TBX1: variants seen among roughly 807,000 people sequenced by gnomAD.
The protein encoded by TBX1 is T-box transcription factor TBX1.
In TBX1, 16 loss-of-function variants were observed where a neutral mutation model predicts 40.8. The observed-to-expected ratio is 0.39, with a 90% CI of 0.27 to 0.60. TBX1 has a LOEUF of 0.60. TBX1 is among the 20% of genes least tolerant of loss of function. The pLI, the probability that TBX1 is intolerant of heterozygous loss-of-function variation, is 0.51. For synonymous variants in TBX1, 403 were observed against 336.8 expected, an observed-to-expected ratio of 1.20 and a Z score of -2.15; for missense variants, 755 against 728.5, an observed-to-expected ratio of 1.04 and a Z score of -0.42.
At chr22:19,776,035 A>G (rs1436043503) in intron 8 of TBX1, among the ~76,000 whole-genome samples, 9 of 152,124 alleles carry the variant, frequency 5.9e-5, no homozygotes, top group Admixed American at 5.9e-4. Flanking sequence ...GGCAAGTCCC[A>G]CCGGCTCCCG....
At position 19,765,101 on chromosome 22, in the gene TBX1, C is replaced by T; in HGVS notation, c.855C>T (p.Tyr285=). Reference sequence around the variant, plus strand: ...CACGATTCACCGCGGTCACTGCCTACCAGAACCATCGGGTGAGGGCCTGTG... The same window carrying T: ...CACGATTCACCGCGGTCACTGCCTATCAGAACCATCGGGTGAGGGCCTGTG... ...EETRFTAVTA[Y]QNHRITQLKI... is the part of the protein sequence containing the mutation. Residue 285 remains tyrosine, a synonymous_variant, in exon 4 of 7, where the codon TAC becomes TAT. Transcript: ENST00000649276. The T allele has an allele frequency of 1.2e-6, 2 of 1,614,178 alleles. No individual in the cohort carries two copies. Among genetic ancestry groups the T allele is most frequent in the African/African-American group, 2.7e-5 (2 of 75,056 alleles).
At chr22:19,759,066 G>T (rs537689236), upstream of TBX1, among the ~76,000 whole-genome samples, 121 of 152,232 alleles carry the variant, frequency 7.9e-4, no homozygotes, top group Middle Eastern at 6.8e-3. Flanking sequence ...GCAGCCACTC[G>T]CTGCTTCATG....
rs920347875 is a variant in TBX1 at position 19,765,753 on chromosome 22, T to G, written c.868-5T>G. The G allele has an allele frequency of 7.4e-6, 12 of 1,611,250 alleles. No individual in the cohort carries two copies. The highest frequency in any genetic ancestry group is 1.0e-5 in the Non-Finnish European group (12 of 1,179,142). On this transcript the variant is annotated splice_polypyrimidine_tract_variant and splice_region_variant and intron_variant, in intron 4 of 6. Coordinates refer to ENST00000649276, the MANE Select transcript of TBX1 (RefSeq NM_001379200.1). ...AGCGGCTTGCTCACACCCACCTCCC[T>G]GCAGATCACGCAGCTCAAGATTGCC...
At chr22:19,766,182 C>A (rs1936835029) in intron 6 of TBX1, 180 bp downstream of exon 6, 1 of 685,394 alleles carries the variant, frequency 1.5e-6, no homozygotes, top group African/African-American at 1.9e-5. Context: ...TGCGCCCCGC[C>A]CGCCGCCGCC....
At chr22:19,780,947 T>C (rs1937136985), downstream of TBX1, among the ~76,000 whole-genome samples, 1 of 152,064 alleles carries the variant, frequency 6.6e-6, no homozygotes, top group African/African-American at 2.4e-5. Context: ...CACGCCCAGC[T>C]AATTTTTTGT....
chr22:19,771,590 A>G (rs1485877408), downstream of TBX1, among the ~76,000 whole-genome samples: 1 of 152,224 alleles, frequency 6.6e-6, no homozygotes, highest in Non-Finnish European at 1.5e-5. Flanking sequence ...AATTGCACAA[A>G]GTAAGCACGT....
rs1936721456 is a variant in TBX1, at chr22:19,763,151, G to A, written c.438-90G>A. The A allele has an allele frequency of 1.3e-5, 13 of 1,010,664 alleles. No individual in the cohort carries two copies. In the South Asian group the frequency reaches 1.7e-4, roughly 13 times the overall value. 62.6% of individuals were successfully genotyped at this position (1,010,664 alleles called of 1,614,324 possible). On this transcript the variant is annotated intron_variant, in intron 1 of 6. Coordinates refer to ENST00000649276, the MANE Select transcript of TBX1 (RefSeq NM_001379200.1). ...CAGCAGCCCCCAGAGGCTGGAGGGAGGGGCCGAGCAGAGGGGCCGCCAGCC... is the reference window on the plus strand; with the variant it reads ...CAGCAGCCCCCAGAGGCTGGAGGGAAGGGCCGAGCAGAGGGGCCGCCAGCC...
chr22:19,761,848 A>G (rs1316718977), intron 1 of TBX1, among the ~76,000 whole-genome samples: 1 of 152,218 alleles, frequency 6.6e-6, no homozygotes, highest in East Asian at 1.9e-4. Flanking sequence ...CTAGATCCCT[A>G]TAGTTGTGGG....
At chr22:19,761,419 C>T (rs1278971469) in intron 1 of TBX1, 139 bp downstream of exon 1, 11 of 1,214,740 alleles carry the variant, frequency 9.1e-6, no homozygotes, top group Non-Finnish European at 1.1e-5. Flanking sequence ...CTCTGGGCCC[C>T]GCTGCCTCCT....
downstream of TBX1, among the ~76,000 whole-genome samples, chr22:19,771,781 G>C (rs773700057): frequency 6.6e-6 from 1 of 151,808 alleles, no homozygotes; most frequent in African/African-American, 2.4e-5. Context: ...TATTCAAAGT[G>C]GGGGGTCTCA....
downstream of TBX1, among the ~76,000 whole-genome samples, chr22:19,770,550 G>A (rs1270879074): frequency 6.6e-6 from 1 of 152,248 alleles, no homozygotes; most frequent in Non-Finnish European, 1.5e-5. Context: ...GACAAGGCGA[G>A]TCTGTTTGGT....
rs13054377 is a variant in TBX1, at chr22:19,766,438, A to G, written c.1086A>G (p.Ala362=). The G allele has an allele frequency of 0.069, 92,187 of 1,343,886 alleles. 3,899 individuals carry two copies. Among genetic ancestry groups the G allele is most frequent in the African/African-American group, 0.19 (12,390 of 65,244 alleles). 83.2% of individuals were successfully genotyped at this position (1,343,886 alleles called of 1,614,324 possible). ...TCCAGCGCGACGCGGGCGGGCCAGCAGTGCTCGGGGACCCGGCGCATCCTC... is the reference window on the plus strand; with the variant it reads ...TCCAGCGCGACGCGGGCGGGCCAGCGGTGCTCGGGGACCCGGCGCATCCTC... The part of the protein sequence containing the change: ...REFQRDAGGP[A]VLGDPAHPPQ... Residue 362 remains alanine (A), a synonymous_variant, in exon 7 of 7, where the codon GCA becomes GCG. Transcript: ENST00000649276.
chr22:19,759,436 C>T (rs1462300775), upstream of TBX1: 38 of 1,366,648 alleles, frequency 2.8e-5, 1 homozygote, highest in Non-Finnish European at 3.6e-5. Context: ...CTGGGCTGGG[C>T]GCGGTGCGGC....
intron 3 of TBX1, 63 bp downstream of exon 3, chr22:19,764,389 T>A: frequency 1.9e-6 from 3 of 1,595,244 alleles, no homozygotes; most frequent in Non-Finnish European, 2.6e-6. Context: ...GGCACCCGCC[T>A]GTCCCTAAGA....
upstream of TBX1, among the ~76,000 whole-genome samples, chr22:19,760,192 G>GAA (rs1197994666): frequency 7.9e-6 from 1 of 127,254 alleles, no homozygotes; most frequent in Non-Finnish European, 1.7e-5. Context: ...TCATAAAAAA[G>GAA]AAAAAAAGGA....
chr22:19,771,857 G>A (rs1419950204), downstream of TBX1, among the ~76,000 whole-genome samples: 1 of 152,256 alleles, frequency 6.6e-6, no homozygotes, highest in Non-Finnish European at 1.5e-5. Flanking sequence ...GGGTGCTGCA[G>A]TTGAGGCCCA....
chr22:19,783,387 G>A, downstream of TBX1: 1 of 344,136 alleles, frequency 2.9e-6, no homozygotes, highest in South Asian at 2.3e-5. Context: ...GCTGTTCCCA[G>A]GCCACCTGCA....
chr22:19,758,772 G>T (rs1044022915), upstream of TBX1, among the ~76,000 whole-genome samples: 10 of 152,208 alleles, frequency 6.6e-5, no homozygotes, highest in Admixed American at 1.3e-4. Context: ...GGCGGTGCGC[G>T]CAAGTGCGCG....
chr22:19,773,010 C>T (rs1334182645), intron 8 of TBX1, among the ~76,000 whole-genome samples: 5 of 152,196 alleles, frequency 3.3e-5, no homozygotes, highest in African/African-American at 7.2e-5. Flanking sequence ...GGGCTGCAGG[C>T]GAGGCCTGGG....
Sources: allele counts gnomAD v4.1 joint callset (sites outside exome capture counted in the v4.1 genomes callset), GRCh38; gene constraint gnomAD v4.1.1; transcripts MANE v1.5; gene names NCBI Gene and HGNC (gene_info 2026-07-23, HGNC 2026-07-21).